Variants in MAF observed in about 807,000 individuals in gnomAD.
The protein encoded by MAF is transcription factor Maf.
In MAF, 10 loss-of-function variants were observed where a neutral mutation model predicts 22.0. The ratio of observed to expected loss-of-function variants is 0.45; its 90% CI spans 0.28 to 0.77. The LOEUF is 0.77. MAF is among the 30% of genes least tolerant of loss of function. The pLI, the probability that MAF is intolerant of heterozygous loss-of-function variation, is 0.12. For missense variants in MAF, 544 were observed against 548.4 expected (o/e 0.99, Z 0.08); for synonymous variants, 337 against 255.8 (o/e 1.32, Z -3.03).
the MAF span, among the ~76,000 whole-genome samples, chr16:79,393,312 G>T: frequency 7.9e-5 from 12 of 152,178 alleles, no homozygotes; most frequent in Admixed American, 5.2e-4. Context: ...TGCAGGGTGG[G>T]TCCAGTGGCT....
At chr16:79,256,654 G>A in the MAF span, among the ~76,000 whole-genome samples, 8 of 152,120 alleles carry the variant, frequency 5.3e-5, no homozygotes, top group Admixed American at 1.3e-4. Flanking sequence ...CAGGTCTCCC[G>A]TTATAAGTGG....
At chr16:79,242,708 T>G in the MAF span, among the ~76,000 whole-genome samples, 3 of 152,038 alleles carry the variant, frequency 2.0e-5, no homozygotes, top group East Asian at 5.8e-4. Flanking sequence ...GCAGATCTAA[T>G]AGACATCTAC....
the MAF span, among the ~76,000 whole-genome samples, chr16:79,370,070 T>A: frequency 6.6e-6 from 1 of 152,158 alleles, no homozygotes; most frequent in Non-Finnish European, 1.5e-5. Flanking sequence ...CATGACTAGT[T>A]ACTGGGTCAA....
chr16:79,540,187 G>A, the MAF span, among the ~76,000 whole-genome samples: 1 of 151,646 alleles, frequency 6.6e-6, no homozygotes, highest in Non-Finnish European at 1.5e-5. Context: ...GAATGAGGTG[G>A]GATTATCAGA....
chr16:79,517,573 T>A, the MAF span, among the ~76,000 whole-genome samples: 1 of 10,638 alleles, frequency 9.4e-5, no homozygotes, highest in African/African-American at 2.1e-4. Context: ...TTAGTCTTTT[T>A]TTTTTTTTTT....
the MAF span, among the ~76,000 whole-genome samples, chr16:79,423,770 C>T: frequency 6.6e-6 from 1 of 152,170 alleles, no homozygotes; most frequent in Admixed American, 6.5e-5. Context: ...AGCAACTTAA[C>T]TGTATTGAGT....
chr16:79,557,545 C>T, the MAF span, among the ~76,000 whole-genome samples: 1 of 152,052 alleles, frequency 6.6e-6, no homozygotes, highest in African/African-American at 2.4e-5. Context: ...CCGTTTACTA[C>T]TTACGTGGCC....
chr16:79,477,990 G>A, the MAF span, among the ~76,000 whole-genome samples: 8 of 152,108 alleles, frequency 5.3e-5, no homozygotes, highest in African/African-American at 1.9e-4. Flanking sequence ...CCAACGGCTG[G>A]GATTACAGGT....
chr16:79,556,573 G>A, the MAF span, among the ~76,000 whole-genome samples: 2 of 152,208 alleles, frequency 1.3e-5, no homozygotes, highest in African/African-American at 4.8e-5. Context: ...GGTATTTTCT[G>A]ATGAAATTGA....
At chr16:79,517,568 CTTTTTTTTT>C in the MAF span, among the ~76,000 whole-genome samples, 4 of 99,788 alleles carry the variant, frequency 4.0e-5, no homozygotes, top group Non-Finnish European at 4.1e-5. Context: ...ACTGTTTAGT[CTTTTTTTTT>C]TTTTTTTTTT....
chr16:79,460,341 C>A, the MAF span, among the ~76,000 whole-genome samples: 7 of 152,022 alleles, frequency 4.6e-5, no homozygotes, highest in Non-Finnish European at 8.8e-5. Context: ...AGGAAACTAA[C>A]GAAAAATGGA....
chr16:79,525,839 G>C, the MAF span, among the ~76,000 whole-genome samples: 3 of 152,162 alleles, frequency 2.0e-5, no homozygotes, highest in Non-Finnish European at 4.4e-5. Flanking sequence ...TTCATGAAGA[G>C]TGCAATGTAC....
intron 1 of MAF, among the ~76,000 whole-genome samples, chr16:79,586,162 C>T (rs950671416): frequency 6.6e-6 from 1 of 152,222 alleles, no homozygotes; most frequent in Non-Finnish European, 1.5e-5. Context: ...TACAAGTTCA[C>T]TCCCTCTGAA....
chr16:79,235,736 A>C, the MAF span, among the ~76,000 whole-genome samples: 1 of 152,078 alleles, frequency 6.6e-6, no homozygotes, highest in East Asian at 1.9e-4. Flanking sequence ...GGCTAAATTC[A>C]AAAAATACCT....
At chr16:79,259,104 C>T in the MAF span, among the ~76,000 whole-genome samples, 8 of 152,162 alleles carry the variant, frequency 5.3e-5, no homozygotes, top group African/African-American at 4.8e-5. Context: ...TGTAGCACTT[C>T]GTGTAAAACT....
chr16:79,308,929 T>C, the MAF span, among the ~76,000 whole-genome samples: 3 of 152,156 alleles, frequency 2.0e-5, no homozygotes, highest in African/African-American at 7.2e-5. Flanking sequence ...GCGTGGGCCC[T>C]TCTGGGGTGA....
the MAF span, among the ~76,000 whole-genome samples, chr16:79,208,356 A>G: frequency 1.3e-5 from 2 of 149,090 alleles, no homozygotes; most frequent in Non-Finnish European, 3.0e-5. Context: ...TACAACCTAC[A>G]GGCTTCTGAT....
At chr16:79,439,207 A>G in the MAF span, among the ~76,000 whole-genome samples, 2 of 151,638 alleles carry the variant, frequency 1.3e-5, no homozygotes, top group Non-Finnish European at 2.9e-5. Context: ...CTGCACCTGC[A>G]CAAGTCCACC....
chr16:79,395,197 T>G, the MAF span, among the ~76,000 whole-genome samples: 292 of 152,222 alleles, frequency 1.9e-3, no homozygotes, highest in African/African-American at 6.9e-3. Context: ...AGGGGCAGCT[T>G]AGGCCTGAGC....
Sources: gnomAD v4.1 joint callset for allele counts (sites outside exome capture counted in the v4.1 genomes callset) on GRCh38, gnomAD v4.1.1 for gene constraint, MANE v1.5 for transcripts, NCBI Gene and HGNC (gene_info 2026-07-23, HGNC 2026-07-21) for gene names.